The following KCNMA1 variants were observed in gnomAD, a reference collection of about 807,000 sequenced individuals.
The protein encoded by KCNMA1 is Calcium-activated potassium channel subunit alpha-1.
In KCNMA1, 29 loss-of-function variants were observed where a neutral mutation model predicts 140.0. The ratio of observed to expected loss-of-function variants is 0.21; its 90% confidence interval spans 0.15 to 0.28. KCNMA1 has a LOEUF of 0.28. Ranked by LOEUF, KCNMA1 falls within the 10% of genes least tolerant of loss-of-function variation. The pLI is 1.00. For synonymous variants in KCNMA1, 612 were observed against 611.9 expected, an observed-to-expected ratio of 1.00 and a Z score of 0.00; for missense variants, 880 against 1,602.2, an observed-to-expected ratio of 0.55 and a Z score of 7.70.
At chr10:77,178,477 C>A (rs566890736) in intron 5 of KCNMA1, among the ~76,000 whole-genome samples, 1 of 152,096 alleles carries the variant, frequency 6.6e-6, no homozygotes, top group Admixed American at 6.5e-5. Context: ...GAGGCTGAGG[C>A]GGGTAGATCA....
At chr10:77,415,383 C>A (rs564659022) in intron 1 of KCNMA1, among the ~76,000 whole-genome samples, 3 of 152,316 alleles carry the variant, frequency 2.0e-5, no homozygotes, top group Admixed American at 6.5e-5. Context: ...GCCAGGATGA[C>A]CCTGGCAGGG....
chr10:77,381,043 G>T (rs145497282), intron 2 of KCNMA1, among the ~76,000 whole-genome samples: 12 of 152,182 alleles, frequency 7.9e-5, no homozygotes, highest in South Asian at 4.2e-4. Context: ...TCTCCCCAAG[G>T]TTCTCTGAAT....
chr10:77,626,503 C>T (rs774147514), intron 1 of KCNMA1, among the ~76,000 whole-genome samples: 3 of 152,176 alleles, frequency 2.0e-5, no homozygotes, highest in Non-Finnish European at 4.4e-5. Context: ...TCTTCCAAAT[C>T]TTTCCTCCAA....
chr10:77,338,905 A>C (rs2090064451), intron 2 of KCNMA1, among the ~76,000 whole-genome samples: 1 of 152,208 alleles, frequency 6.6e-6, no homozygotes, highest in Admixed American at 6.5e-5. Flanking sequence ...TCTACAAGAC[A>C]GTTTGACAAA....
chr10:77,610,480 T>C (rs1211583953), intron 1 of KCNMA1, among the ~76,000 whole-genome samples: 2 of 152,242 alleles, frequency 1.3e-5, no homozygotes, highest in Non-Finnish European at 2.9e-5. Context: ...GGAGGCTCTC[T>C]CTCTCTCTAG....
chr10:77,417,770 G>A (rs2096774689), intron 1 of KCNMA1, among the ~76,000 whole-genome samples: 1 of 152,258 alleles, frequency 6.6e-6, no homozygotes, highest in African/African-American at 2.4e-5. Context: ...TTGGCTTCGG[G>A]TCAAAAGAGC....
intron 1 of KCNMA1, among the ~76,000 whole-genome samples, chr10:77,464,931 G>A (rs1368554429): frequency 6.6e-6 from 1 of 152,180 alleles, no homozygotes; most frequent in Non-Finnish European, 1.5e-5. Context: ...CATTAGCCCA[G>A]GGCTGAAGTG....
intron 2 of KCNMA1, among the ~76,000 whole-genome samples, chr10:77,251,526 G>A (rs137986796): frequency 9.8e-4 from 149 of 152,236 alleles, no homozygotes; most frequent in African/African-American, 3.3e-3. Context: ...CTGTTATCTC[G>A]AAGTCCAGCT....
rs375472701 is a variant in KCNMA1, at chr10:77,394,687, G to C, written c.540+9175C>G. Among the ~76,000 whole-genome samples the C allele has an allele frequency of 1.7e-4, 26 of 152,314 alleles. 1 individual carries two copies. The highest frequency in any genetic ancestry group is 6.3e-4 in the African/African-American group (26 of 41,572). On this transcript the variant is annotated intron_variant, in intron 2 of 27. Transcript: ENST00000286628. ...CTAATGCAGTACTTAGTTGAGCTTG[G>C]GGAAGTGAATGTAGACACGTCCCCA...
At chr10:77,170,214 T>A (rs553441688) in intron 5 of KCNMA1, among the ~76,000 whole-genome samples, 12 of 151,744 alleles carry the variant, frequency 7.9e-5, no homozygotes, top group Admixed American at 4.6e-4. Flanking sequence ...AAAATAAATT[T>A]AAAAAAAAGA....
intron 5 of KCNMA1, among the ~76,000 whole-genome samples, chr10:77,175,129 T>C (rs1160285369): frequency 6.6e-6 from 1 of 152,126 alleles, no homozygotes; most frequent in Admixed American, 6.5e-5. Context: ...GGTTGAGCTC[T>C]AAGAACCCTC....
At chr10:77,082,653 T>C (rs1371577888) in intron 12 of KCNMA1, among the ~76,000 whole-genome samples, 2 of 152,078 alleles carry the variant, frequency 1.3e-5, no homozygotes, top group African/African-American at 4.8e-5. Flanking sequence ...AAGGAACAAG[T>C]GACACACCCA....
At chr10:77,224,920 G>T (rs1225269874) in intron 3 of KCNMA1, among the ~76,000 whole-genome samples, 1 of 152,202 alleles carries the variant, frequency 6.6e-6, no homozygotes, top group African/African-American at 2.4e-5. Context: ...CCATGCTGTT[G>T]TTGGCGCCGC....
At chr10:77,090,561 G>C in intron 9 of KCNMA1, 51 bp from the exon 10 acceptor site, 3 of 1,194,506 alleles carry the variant, frequency 2.5e-6, no homozygotes, top group Non-Finnish European at 3.8e-6. Context: ...ACAGGACCCT[G>C]CATCCCACCC....
intron 1 of KCNMA1, among the ~76,000 whole-genome samples, chr10:77,544,198 A>G (rs2060888119): frequency 6.9e-6 from 1 of 144,854 alleles, no homozygotes; most frequent in Admixed American, 6.9e-5. Context: ...GTGATGATAG[A>G]GAGATTACGT....
At chr10:77,203,907 G>C (rs1266108886) in intron 3 of KCNMA1, among the ~76,000 whole-genome samples, 1 of 151,938 alleles carries the variant, frequency 6.6e-6, no homozygotes, top group African/African-American at 2.4e-5. Flanking sequence ...GACCAGTCTG[G>C]CCAACATAGT....
intron 3 of KCNMA1, among the ~76,000 whole-genome samples, chr10:77,217,865 T>A (rs182965221): frequency 1.1e-4 from 16 of 152,276 alleles, no homozygotes; most frequent in African/African-American, 3.4e-4. Context: ...TACCTGCACA[T>A]AAAAGTTCGA....
intron 1 of KCNMA1, among the ~76,000 whole-genome samples, chr10:77,571,050 C>T (rs904484347): frequency 4.6e-5 from 7 of 152,104 alleles, no homozygotes; most frequent in Admixed American, 4.6e-4. Context: ...TTCAGTTATT[C>T]TATTTTTTAT....
chr10:77,528,444 AC>A (rs2056562782), intron 1 of KCNMA1, among the ~76,000 whole-genome samples: 1 of 152,014 alleles, frequency 6.6e-6, no homozygotes. Flanking sequence ...CCCTGTCTCT[AC>A]TAAAAATACA....
Sources: gnomAD v4.1 joint callset for allele counts (sites outside exome capture counted in the v4.1 genomes callset) on GRCh38, gnomAD v4.1.1 for gene constraint, MANE v1.5 for transcripts, NCBI Gene and HGNC (gene_info 2026-07-23, HGNC 2026-07-21) for gene names.